Variants in STAU1 observed in about 807,000 individuals in gnomAD.
STAU1 encodes staufen double-stranded RNA binding protein 1.
A neutral mutation model predicts 62.9 loss-of-function variants in STAU1; 13 were observed. The observed-to-expected ratio is 0.21, with a 90% CI of 0.13 to 0.33. STAU1 has a LOEUF of 0.33. STAU1 is among the 10% of genes least tolerant of loss of function. The pLI is 1.00. For synonymous variants in STAU1, 269 were observed against 265.1 expected, an observed-to-expected ratio of 1.01 and a Z score of -0.14; for missense variants, 571 against 712.1, an observed-to-expected ratio of 0.80 and a Z score of 2.25.
intron 6 of STAU1, chr20:49,134,406 G>A: frequency 2.0e-6 from 1 of 496,442 alleles, no homozygotes; most frequent in East Asian, 4.2e-5. Flanking sequence ...ACTACAGCCT[G>A]GGCGACAAGA....
chr20:49,133,900 T>A (rs1318821144), intron 6 of STAU1, among the ~76,000 whole-genome samples: 1 of 152,176 alleles, frequency 6.6e-6, no homozygotes, highest in South Asian at 2.1e-4. Flanking sequence ...TGAGAAATCA[T>A]CATCACTCGG....
chr20:49,126,801 C>A (rs901395766), intron 6 of STAU1, among the ~76,000 whole-genome samples: 6 of 151,184 alleles, frequency 4.0e-5, no homozygotes, highest in Non-Finnish European at 5.9e-5. Flanking sequence ...CACACCAAAA[C>A]AAATTAAAAA....
intron 2 of STAU1, among the ~76,000 whole-genome samples, chr20:49,173,227 G>A (rs567380733): frequency 4.6e-5 from 7 of 151,972 alleles, no homozygotes; most frequent in East Asian, 2.0e-4. Context: ...GGAGGCCAAG[G>A]TGGGTGGATC....
At chr20:49,152,977 G>C (rs762362765) in intron 4 of STAU1, among the ~76,000 whole-genome samples, 1 of 152,098 alleles carries the variant, frequency 6.6e-6, no homozygotes, top group Non-Finnish European at 1.5e-5. Flanking sequence ...GGAGCCGGGC[G>C]TGGTGGCTCA....
chr20:49,196,457 A>T, the STAU1 span, among the ~76,000 whole-genome samples: 1 of 150,278 alleles, frequency 6.7e-6, no homozygotes, highest in Non-Finnish European at 1.5e-5. Flanking sequence ...AAAAAAAAAA[A>T]AAAGAAGAAG....
In STAU1 at chr20:49,117,815, C is replaced by G. The variant is rs1203854740; in HGVS notation, c.1471G>C (p.Glu491Gln). 6.2e-7 allele frequency: 1 copy of G among 1,613,812 alleles called. No individual in the cohort carries two copies. Among genetic ancestry groups the G allele is most frequent in the Non-Finnish European group, 8.5e-7 (1 of 1,179,970 alleles). ...ACTCTGGAAAGATAGTCCAGTTGCT[C>G]AGAGGGTCTCGTGAGAGGTCCATGG... ...VPHGPLTRPSEQLDYLSRVQG... is the reference protein window; with the variant it reads ...VPHGPLTRPSQQLDYLSRVQG... The change falls in exon 11 of 14, where the codon GAG becomes CAG. Residue 491 changes from glutamate to glutamine, a missense_variant. Physicochemically the swap from Glu to Gln is conservative, Grantham distance 29 (BLOSUM62 2). Transcript: ENST00000371856. This position sits in a 1 kb window ranked among gnomAD's most constrained non-coding sequence, Gnocchi z 4.6.
chr20:49,124,051 GAC>G (rs1342864911), intron 7 of STAU1, among the ~76,000 whole-genome samples: 1 of 152,204 alleles, frequency 6.6e-6, no homozygotes, highest in Non-Finnish European at 1.5e-5. Context: ...TGGTCACTGA[GAC>G]ACAGGCACTG....
At chr20:49,141,725 T>C (rs1302689189) in intron 5 of STAU1, among the ~76,000 whole-genome samples, 3 of 151,932 alleles carry the variant, frequency 2.0e-5, no homozygotes, top group Non-Finnish European at 4.4e-5. Flanking sequence ...CGAAACCCCA[T>C]CTCTACTAAA....
chr20:49,133,224 A>G (rs1303241817), intron 6 of STAU1, among the ~76,000 whole-genome samples: 1 of 152,254 alleles, frequency 6.6e-6, no homozygotes. Flanking sequence ...CAAATCCCAC[A>G]GAACAAAAAC....
At chr20:49,147,179 A>C (rs1317031401) in intron 5 of STAU1, among the ~76,000 whole-genome samples, 1 of 152,156 alleles carries the variant, frequency 6.6e-6, no homozygotes, top group African/African-American at 2.4e-5. Flanking sequence ...TAAATGAGAT[A>C]CTTTACGTTC....
the STAU1 span, among the ~76,000 whole-genome samples, chr20:49,194,572 T>TATGATCTTTCAA: frequency 6.4e-4 from 3 of 4,668 alleles, no homozygotes; most frequent in Non-Finnish European, 3.4e-3. Flanking sequence ...TGCAGAGAAC[T>TATGATCTTTCAA]ATTATTATTA....
In STAU1 at chr20:49,128,282, T is replaced by A. The variant is rs144609632; in HGVS notation, c.610-3695A>T. ...TCGAGGTTGCAGTGAGGTGAGATCA[T>A]GCCACTGCACTACAGCCCGGGTACC... On this transcript the variant is annotated intron_variant, in intron 6 of 13. Transcript: ENST00000371856. Among the ~76,000 whole-genome samples, 9 of 152,282 alleles carry A rather than the reference T, an allele frequency of 5.9e-5. No individual in the cohort carries two copies. The East Asian group carries it at 1.7e-3, about 29-fold the overall frequency.
At chr20:49,129,280 A>ATTTTTTTTTTTTTTTTTTTTTTTTTTT (rs71184264) in intron 6 of STAU1, among the ~76,000 whole-genome samples, 1 of 87,928 alleles carries the variant, frequency 1.1e-5, no homozygotes, top group Non-Finnish European at 2.0e-5. Context: ...TTAAAAAAAA[A>ATTTTTTTTTTTTTTTTTTTTTTTTTTT]TTTTTTTTTT....
chr20:49,204,361 T>G, the STAU1 span, among the ~76,000 whole-genome samples: 3 of 151,860 alleles, frequency 2.0e-5, no homozygotes, highest in Non-Finnish European at 2.9e-5. Flanking sequence ...TTCTGTGACT[T>G]GTGTTTTTCC....
At chr20:49,131,069 C>G (rs2092737742) in intron 6 of STAU1, among the ~76,000 whole-genome samples, 1 of 152,098 alleles carries the variant, frequency 6.6e-6, no homozygotes, top group African/African-American at 2.4e-5. Context: ...CAATATCACT[C>G]CCATGGTGAT....
chr20:49,127,887 C>T (rs2092665981), intron 6 of STAU1, among the ~76,000 whole-genome samples: 1 of 151,876 alleles, frequency 6.6e-6, no homozygotes, highest in African/African-American at 2.4e-5. Context: ...CGGTGGCTCA[C>T]GCCTGTAATC....
At chr20:49,174,165 C>A (rs1555869966) in intron 2 of STAU1, 30 bp downstream of exon 2, 1 of 152,092 alleles carries the variant, frequency 6.6e-6, no homozygotes, top group Non-Finnish European at 1.5e-5. Flanking sequence ...TATCAACAGG[C>A]CAGAAATTAT....
At chr20:49,127,980 T>G (rs2092668854) in intron 6 of STAU1, among the ~76,000 whole-genome samples, 1 of 151,990 alleles carries the variant, frequency 6.6e-6, no homozygotes, top group Non-Finnish European at 1.5e-5. Context: ...AGAAACCCCA[T>G]CTCTACTAAA....
At chr20:49,201,071 A>AAAGAAG in the STAU1 span, among the ~76,000 whole-genome samples, 3,118 of 101,908 alleles carry the variant, frequency 0.031, 135 homozygotes, top group East Asian at 0.09. Context: ...AAAAAAAAAA[A>AAAGAAG]AAGAAGAAGA....
Sources: allele counts gnomAD v4.1 joint callset (sites outside exome capture counted in the v4.1 genomes callset), GRCh38; gene constraint gnomAD v4.1.1; non-coding constraint Gnocchi (gnomAD v3.1); transcripts MANE v1.5; gene names NCBI Gene and HGNC (gene_info 2026-07-23, HGNC 2026-07-21).